The following TMEM87B variants were observed in gnomAD, a reference collection of about 807,000 sequenced individuals.
TMEM87B encodes transmembrane protein 87B.
In TMEM87B, 83 loss-of-function variants were observed where a neutral mutation model predicts 80.3. The observed-to-expected ratio is 1.03, with a 90% CI of 0.87 to 1.24. The LOEUF (loss-of-function observed/expected upper bound fraction) is 1.24. Ranked by LOEUF, TMEM87B falls within the 50% of genes most tolerant of loss-of-function variation. The pLI is 0.00. For synonymous variants in TMEM87B, 219 were observed against 230.5 expected, an observed-to-expected ratio of 0.95 and a Z score of 0.45; for missense variants, 625 against 674.4, an observed-to-expected ratio of 0.93 and a Z score of 0.81.
chr2:112,073,979 G>A (rs1424573037), intron 4 of TMEM87B, among the ~76,000 whole-genome samples: 2 of 152,104 alleles, frequency 1.3e-5, no homozygotes, highest in African/African-American at 4.8e-5. Flanking sequence ...TTTTGAGCCT[G>A]TGGGTGTCGT....
intron 4 of TMEM87B, 140 bp from the exon 5 acceptor site, chr2:112,074,772 G>A (rs979597875): frequency 7.9e-5 from 87 of 1,099,270 alleles, no homozygotes; most frequent in Non-Finnish European, 9.6e-5. Context: ...CTTGTGTTTG[G>A]GATACAGTGA....
Position 112,057,314 on chromosome 2 carries a change from C to T in TMEM87B, c.165+1558C>T, listed in dbSNP as rs143169875. Among the ~76,000 whole-genome samples the T allele has an allele frequency of 3.6e-3, 550 of 152,332 alleles. 8 individuals carry two copies. Among genetic ancestry groups the T allele is most frequent in the African/African-American group, 0.011 (438 of 41,570 alleles). Reference sequence around the variant, plus strand: ...TTTGAGACAGAGTCTTGTTCTGTTACCTAGGCTGGAGTGCAGTGGCACAGT... The same window carrying T: ...TTTGAGACAGAGTCTTGTTCTGTTATCTAGGCTGGAGTGCAGTGGCACAGT... On this transcript the variant is annotated intron_variant, in intron 1 of 18. Coordinates refer to ENST00000283206, the MANE Select transcript of TMEM87B (RefSeq NM_032824.3).
chr2:112,078,636 CT>C (rs775826146), intron 6 of TMEM87B, among the ~76,000 whole-genome samples: 1 of 152,224 alleles, frequency 6.6e-6, no homozygotes, highest in Non-Finnish European at 1.5e-5. Context: ...GTGCCCACTT[CT>C]TTCCCAGGCA....
intron 16 of TMEM87B, among the ~76,000 whole-genome samples, chr2:112,107,561 A>T (rs918601663): frequency 5.3e-5 from 8 of 152,178 alleles, no homozygotes; most frequent in Non-Finnish European, 1.2e-4. Context: ...TATTTCATAC[A>T]TCCAACTAAA....
intron 4 of TMEM87B, among the ~76,000 whole-genome samples, chr2:112,074,670 C>T (rs188951106): frequency 4.6e-5 from 7 of 152,266 alleles, no homozygotes; most frequent in Non-Finnish European, 8.8e-5. Context: ...CAAGTTGCTT[C>T]CATTCTCCCA....
chr2:112,079,926 C>CTT (rs61341379), intron 6 of TMEM87B, among the ~76,000 whole-genome samples: 15,511 of 84,096 alleles, frequency 0.18, 2,702 homozygotes, highest in East Asian at 0.6. Flanking sequence ...GGTCCCTTGC[C>CTT]TTTTTTTTTT....
intron 11 of TMEM87B, among the ~76,000 whole-genome samples, chr2:112,093,846 G>A (rs1255029927): frequency 3.9e-5 from 6 of 152,196 alleles, no homozygotes; most frequent in Admixed American, 3.9e-4. Flanking sequence ...CTCCTGCCTT[G>A]AGAATGGGCA....
chr2:112,057,606 G>C (rs541867075), intron 1 of TMEM87B, among the ~76,000 whole-genome samples: 1 of 152,154 alleles, frequency 6.6e-6, no homozygotes, highest in East Asian at 1.9e-4. Context: ...GTACAAGGGA[G>C]CAAATGGTTG....
chr2:112,095,259 G>GC, intron 11 of TMEM87B: 1 of 952,066 alleles, frequency 1.1e-6, no homozygotes, highest in Non-Finnish European at 1.2e-6. Flanking sequence ...CTTCTGGCCA[G>GC]CCTCCCCCTC....
At chr2:112,064,722 T>C (rs1351844478) in intron 3 of TMEM87B, among the ~76,000 whole-genome samples, 1 of 152,176 alleles carries the variant, frequency 6.6e-6, no homozygotes, top group Non-Finnish European at 1.5e-5. Context: ...AGGCTTTTCC[T>C]GCACCTGGCT....
chr2:112,075,133 C>T (rs1048500348), intron 5 of TMEM87B, among the ~76,000 whole-genome samples, 171 bp downstream of exon 5: 8 of 152,332 alleles, frequency 5.3e-5, no homozygotes, highest in Middle Eastern at 6.8e-3. Flanking sequence ...GGTGCAGTGG[C>T]TCCTGCTTGC....
chr2:112,083,137 G>A (rs944439878), intron 8 of TMEM87B, among the ~76,000 whole-genome samples: 3 of 152,216 alleles, frequency 2.0e-5, no homozygotes, highest in Admixed American at 6.5e-5. Context: ...AGGACCCGAC[G>A]TGGGTATGTT....
intron 9 of TMEM87B, among the ~76,000 whole-genome samples, chr2:112,087,904 C>A (rs755694793): frequency 2.6e-5 from 4 of 152,238 alleles, no homozygotes; most frequent in Non-Finnish European, 5.9e-5. Context: ...GTCCCGTGAG[C>A]AGCTTTAAGG....
chr2:112,107,903 C>G, intron 17 of TMEM87B, 63 bp downstream of exon 17: 2 of 1,171,516 alleles, frequency 1.7e-6, no homozygotes. Context: ...AGGGATCGTT[C>G]TCATCCTTTG....
chr2:112,098,072 T>C (rs186264770), intron 13 of TMEM87B, among the ~76,000 whole-genome samples: 435 of 152,076 alleles, frequency 2.9e-3, no homozygotes, highest in Non-Finnish European at 4.7e-3. Context: ...GCCTCCCGGG[T>C]TGAAGCAATT....
chr2:112,081,471 C>A lies in TMEM87B; in HGVS notation c.791C>A (p.Ala264Glu). 6.2e-7 allele frequency: 1 copy of A among 1,613,192 alleles called. No homozygotes were observed. The highest frequency in any genetic ancestry group is 1.7e-4 in the Middle Eastern group (1 of 5,796). Residue 264 changes from alanine (A) to glutamate (E), a missense_variant, in exon 8 of 19, where the codon GCA becomes GAA. By Grantham distance (107) the Ala-to-Glu change is moderately radical. Transcript: ENST00000283206. Reference sequence around the variant, plus strand: ...ATTTTTTTGGGAATGCTTGAAAAAGCAGTTTTTTATAGTGAATACCAAAAC... The same window carrying A: ...ATTTTTTTGGGAATGCTTGAAAAAGAAGTTTTTTATAGTGAATACCAAAAC... ...AVIFLGMLEK[A>E]VFYSEYQNIS...
intron 4 of TMEM87B, among the ~76,000 whole-genome samples, chr2:112,067,979 G>T (rs1678487682): frequency 6.6e-6 from 1 of 152,174 alleles, no homozygotes; most frequent in African/African-American, 2.4e-5. Flanking sequence ...TTGGGAGGAT[G>T]AGGCAGGTGG....
At chr2:112,067,726 A>G (rs577874871) in intron 4 of TMEM87B, among the ~76,000 whole-genome samples, 1 of 152,248 alleles carries the variant, frequency 6.6e-6, no homozygotes, top group Non-Finnish European at 1.5e-5. Flanking sequence ...TGTCAACTGC[A>G]GTCAGACCTT....
At chr2:112,068,541 A>T (rs1300420919) in intron 4 of TMEM87B, among the ~76,000 whole-genome samples, 1 of 151,820 alleles carries the variant, frequency 6.6e-6, no homozygotes, top group East Asian at 2.0e-4. Flanking sequence ...CGTCTCTACT[A>T]AAAATACAAA....
Sources: allele counts gnomAD v4.1 joint callset (sites outside exome capture counted in the v4.1 genomes callset), GRCh38; gene constraint gnomAD v4.1.1; transcripts MANE v1.5; gene names NCBI Gene and HGNC (gene_info 2026-07-23, HGNC 2026-07-21).